Variants in ZNF804A observed in about 807,000 individuals in gnomAD.
ZNF804A encodes the protein zinc finger protein 804A.
A neutral mutation model predicts 16.5 loss-of-function variants in ZNF804A; 2 were observed. That is an observed-to-expected ratio of 0.12 (90% confidence interval 0.05 to 0.38). The LOEUF (loss-of-function observed/expected upper bound fraction) is 0.38. Among genes scored for constraint, ZNF804A ranks in the 10% least tolerant of loss-of-function variants. The pLI is 0.99. For synonymous variants in ZNF804A, 534 were observed against 489.6 expected, an observed-to-expected ratio of 1.09 and a Z score of -1.20; for missense variants, 1,473 against 1,390.7, an observed-to-expected ratio of 1.06 and a Z score of -0.94.
intron 1 of ZNF804A, among the ~76,000 whole-genome samples, chr2:184,750,068 G>A (rs896790923): frequency 8.6e-5 from 13 of 151,198 alleles, no homozygotes; most frequent in Admixed American, 3.3e-4. Context: ...AAGTTACATC[G>A]AGACTGTATA....
intron 1 of ZNF804A, among the ~76,000 whole-genome samples, chr2:184,855,389 A>G (rs1192126938): frequency 6.6e-6 from 1 of 152,046 alleles, no homozygotes; most frequent in Non-Finnish European, 1.5e-5. Flanking sequence ...TACTGCTGGA[A>G]AGATGGACTT....
At chr2:184,895,256 A>G (rs1470821965) in intron 2 of ZNF804A, among the ~76,000 whole-genome samples, 1 of 151,350 alleles carries the variant, frequency 6.6e-6, no homozygotes, top group African/African-American at 2.4e-5. Flanking sequence ...GAGAGAGAGA[A>G]AATAATGTAT....
At chr2:184,827,826 G>A (rs893832435) in intron 1 of ZNF804A, among the ~76,000 whole-genome samples, 2 of 151,602 alleles carry the variant, frequency 1.3e-5, no homozygotes, top group Admixed American at 1.3e-4. Flanking sequence ...GGTAATGGGT[G>A]TATAATACCC....
chr2:184,865,918 A>C (rs1294555284), intron 1 of ZNF804A, among the ~76,000 whole-genome samples: 1 of 152,212 alleles, frequency 6.6e-6, no homozygotes. Context: ...AGATAATTGA[A>C]ACAAACAAAA....
chr2:184,749,013 G>T (rs908664934), intron 1 of ZNF804A, among the ~76,000 whole-genome samples: 13 of 151,598 alleles, frequency 8.6e-5, no homozygotes, highest in African/African-American at 3.1e-4. Context: ...TTGAAATCAG[G>T]TAGTGTGATG....
intron 2 of ZNF804A, among the ~76,000 whole-genome samples, chr2:184,893,558 C>T (rs529589904): frequency 6.6e-6 from 1 of 152,028 alleles, no homozygotes; most frequent in Admixed American, 6.5e-5. Flanking sequence ...ATTAGTCTCT[C>T]AGGGACTAAA....
intron 1 of ZNF804A, among the ~76,000 whole-genome samples, chr2:184,732,845 G>C (rs150883270): frequency 1.8e-3 from 275 of 152,134 alleles, no homozygotes; most frequent in Middle Eastern, 6.8e-3. Context: ...TGGCATATAG[G>C]AAAGCAACTA....
intron 1 of ZNF804A, among the ~76,000 whole-genome samples, chr2:184,806,753 A>G (rs959034668): frequency 2.6e-5 from 4 of 151,842 alleles, no homozygotes; most frequent in Non-Finnish European, 5.9e-5. Context: ...TTTTTACAAA[A>G]GTACTAAAAA....
At chr2:184,704,894 G>C (rs912603067) in intron 1 of ZNF804A, among the ~76,000 whole-genome samples, 1 of 152,140 alleles carries the variant, frequency 6.6e-6, no homozygotes, top group Non-Finnish European at 1.5e-5. Flanking sequence ...ACTCTGCTTG[G>C]ACTGTTTCTC....
At chr2:184,806,715 G>A (rs1694811357) in intron 1 of ZNF804A, among the ~76,000 whole-genome samples, 1 of 151,652 alleles carries the variant, frequency 6.6e-6, no homozygotes. Flanking sequence ...TACAATTTGT[G>A]TACTCTTAGG....
At chr2:184,868,564 A>T (rs948368326) in intron 2 of ZNF804A, among the ~76,000 whole-genome samples, 1 of 152,074 alleles carries the variant, frequency 6.6e-6, no homozygotes, top group African/African-American at 2.4e-5. Flanking sequence ...AAATGTAGGG[A>T]TTGTTCAGTG....
chr2:184,896,918 TAA>T (rs1282776870), intron 2 of ZNF804A, among the ~76,000 whole-genome samples: 2 of 152,148 alleles, frequency 1.3e-5, no homozygotes, highest in African/African-American at 2.4e-5. Context: ...CATTTTATCT[TAA>T]GTTTATATGT....
intron 1 of ZNF804A, among the ~76,000 whole-genome samples, chr2:184,639,366 G>A (rs1028050056): frequency 4.6e-5 from 7 of 151,792 alleles, no homozygotes; most frequent in African/African-American, 1.2e-4. Context: ...CAGCCACCGC[G>A]CCTGGCCTAG....
At chr2:184,709,175 G>A (rs1234792738) in intron 1 of ZNF804A, among the ~76,000 whole-genome samples, 2 of 152,024 alleles carry the variant, frequency 1.3e-5, no homozygotes, top group South Asian at 2.1e-4. Context: ...GCCCTTTGGG[G>A]TATACAACAA....
At chr2:184,800,773 T>C (rs994755614) in intron 1 of ZNF804A, among the ~76,000 whole-genome samples, 1 of 152,090 alleles carries the variant, frequency 6.6e-6, no homozygotes, top group African/African-American at 2.4e-5. Flanking sequence ...CTCCCATCAC[T>C]TATGATATTT....
intron 1 of ZNF804A, among the ~76,000 whole-genome samples, chr2:184,812,146 G>T (rs1272723478): frequency 6.6e-6 from 1 of 152,100 alleles, no homozygotes; most frequent in African/African-American, 2.4e-5. Context: ...CTTTCTTGTA[G>T]ATTTGAATAT....
chr2:184,728,298 A>T (rs1458758609), intron 1 of ZNF804A, among the ~76,000 whole-genome samples: 1 of 151,842 alleles, frequency 6.6e-6, no homozygotes, highest in Non-Finnish European at 1.5e-5. Flanking sequence ...AGTTCCGTGC[A>T]ATTTCTCAAT....
chr2:184,676,222 A>G (rs956932602), intron 1 of ZNF804A, among the ~76,000 whole-genome samples: 5 of 151,650 alleles, frequency 3.3e-5, no homozygotes, highest in African/African-American at 1.2e-4. Context: ...TGTCAAGTAA[A>G]GTTTATTGTT....
intron 1 of ZNF804A, among the ~76,000 whole-genome samples, chr2:184,667,028 A>C (rs777933468): frequency 4.6e-5 from 7 of 152,026 alleles, no homozygotes; most frequent in Middle Eastern, 3.2e-3. Context: ...GGGTATAGAA[A>C]GGCAAATAAT....
Sources: allele counts gnomAD v4.1 joint callset (sites outside exome capture counted in the v4.1 genomes callset), GRCh38; gene constraint gnomAD v4.1.1; transcripts MANE v1.5; gene names NCBI Gene and HGNC (gene_info 2026-07-23, HGNC 2026-07-21).